CYP39A1: variants seen among roughly 807,000 people sequenced by gnomAD.
CYP39A1 encodes the protein 24-hydroxycholesterol 7-alpha-hydroxylase.
A neutral mutation model predicts 58.1 loss-of-function variants in CYP39A1; 49 were observed. The observed-to-expected ratio is 0.84, with a 90% CI of 0.67 to 1.07. CYP39A1 has a LOEUF of 1.07. CYP39A1 is among the 50% of genes least tolerant of loss of function. CYP39A1 has a pLI of 0.00. For missense variants in CYP39A1, 531 were observed against 539.4 expected (o/e 0.98, Z 0.16); for synonymous variants, 209 against 187.6 (o/e 1.11, Z -0.93).
intron 8 of CYP39A1, among the ~76,000 whole-genome samples, chr6:46,594,240 A>G (rs1444257221): frequency 6.6e-6 from 1 of 152,152 alleles, no homozygotes; most frequent in African/African-American, 2.4e-5. Context: ...ACTCTTATTA[A>G]TAACCTGTTC....
At chr6:46,623,162 A>T (rs920240033) in intron 7 of CYP39A1, among the ~76,000 whole-genome samples, 1 of 151,566 alleles carries the variant, frequency 6.6e-6, no homozygotes, top group Non-Finnish European at 1.5e-5. Context: ...TGTGATGATA[A>T]TTTGTACATG....
intron 11 of CYP39A1, 49 bp from the exon 12 acceptor site, chr6:46,550,486 C>T: frequency 6.6e-7 from 1 of 1,519,856 alleles, no homozygotes; most frequent in Non-Finnish European, 9.1e-7. Context: ...CATAAGTCCA[C>T]AGTTTCAGAC....
At chr6:46,583,685 T>C (rs1463587951) in intron 10 of CYP39A1, 32 of 694,916 alleles carry the variant, frequency 4.6e-5, no homozygotes, top group Non-Finnish European at 5.7e-5. Flanking sequence ...CGCAGTGGGA[T>C]CCTGCTCCAA....
intron 8 of CYP39A1, 113 bp downstream of exon 8, chr6:46,595,874 T>G: frequency 9.8e-7 from 1 of 1,021,736 alleles, no homozygotes; most frequent in Non-Finnish European, 1.5e-6. Context: ...TATAAAATAT[T>G]TATTTGTCAA....
At chr6:46,593,320 G>A (rs1193212956) in intron 8 of CYP39A1, among the ~76,000 whole-genome samples, 1 of 152,008 alleles carries the variant, frequency 6.6e-6, no homozygotes, top group East Asian at 1.9e-4. Context: ...ACTTTTGAAA[G>A]AATATGGGAG....
chr6:46,589,517 A>AT (rs1772693014), intron 8 of CYP39A1, among the ~76,000 whole-genome samples: 1 of 152,004 alleles, frequency 6.6e-6, no homozygotes, highest in African/African-American at 2.4e-5. Context: ...GGATGTCATC[A>AT]TTTTTTTAAC....
chr6:46,584,623 C>T (rs1772350725), intron 10 of CYP39A1, among the ~76,000 whole-genome samples: 1 of 152,132 alleles, frequency 6.6e-6, no homozygotes. Context: ...TGCATACAAA[C>T]TCATACATCA....
chr6:46,634,606 C>T (rs1340088338), intron 5 of CYP39A1, among the ~76,000 whole-genome samples: 1 of 150,674 alleles, frequency 6.6e-6, no homozygotes, highest in Non-Finnish European at 1.5e-5. Flanking sequence ...ACCATAACCT[C>T]CGCCTCCCAG....
chr6:46,648,285 G>A (rs984772626), intron 1 of CYP39A1, among the ~76,000 whole-genome samples: 3 of 151,890 alleles, frequency 2.0e-5, no homozygotes, highest in African/African-American at 7.3e-5. Context: ...ATGATAGACT[G>A]GATTAAGAAA....
At chr6:46,579,725 A>C (rs1772019024) in intron 10 of CYP39A1, among the ~76,000 whole-genome samples, 2 of 152,164 alleles carry the variant, frequency 1.3e-5, no homozygotes, top group African/African-American at 4.8e-5. Context: ...ACCCAAGCTG[A>C]GAGCCAAATC....
intron 7 of CYP39A1, among the ~76,000 whole-genome samples, chr6:46,607,508 T>C (rs1773921643): frequency 6.6e-6 from 1 of 151,300 alleles, no homozygotes; most frequent in African/African-American, 2.4e-5. Flanking sequence ...CATGCAGACA[T>C]AGTAAGTAAA....
intron 6 of CYP39A1, among the ~76,000 whole-genome samples, chr6:46,627,799 A>C (rs1226693494): frequency 6.6e-6 from 1 of 152,194 alleles, no homozygotes; most frequent in Non-Finnish European, 1.5e-5. Context: ...AAAGATAAAA[A>C]GGCATATAAA....
chr6:46,597,963 G>A (rs1408385353), intron 7 of CYP39A1, among the ~76,000 whole-genome samples: 1 of 152,116 alleles, frequency 6.6e-6, no homozygotes, highest in South Asian at 2.1e-4. Flanking sequence ...TGCAGGCATT[G>A]CCCAACAAAA....
intron 10 of CYP39A1, among the ~76,000 whole-genome samples, chr6:46,580,338 G>A (rs551289325): frequency 2.0e-5 from 3 of 152,138 alleles, no homozygotes; most frequent in East Asian, 1.9e-4. Flanking sequence ...TCCTTTCACT[G>A]TATACAAAAA....
chr6:46,615,938 A>G (rs1199163575), intron 7 of CYP39A1, among the ~76,000 whole-genome samples: 1 of 151,646 alleles, frequency 6.6e-6, no homozygotes, highest in Admixed American at 6.6e-5. Flanking sequence ...CACTGATTCT[A>G]TTTAATACTA....
intron 7 of CYP39A1, among the ~76,000 whole-genome samples, chr6:46,605,167 C>G (rs182643003): frequency 6.6e-6 from 1 of 152,164 alleles, no homozygotes; most frequent in African/African-American, 2.4e-5. Context: ...AAAAAGAAAG[C>G]AAGAAAACCA....
chr6:46,636,486 C>T lies in CYP39A1; in HGVS notation c.639-4G>A, dbSNP rs777716309. 4 of 1,581,162 alleles carry T rather than the reference C, an allele frequency of 2.5e-6. No individual in the cohort carries two copies. Among genetic ancestry groups the T allele is most frequent in the Non-Finnish European group, 3.4e-6 (4 of 1,160,168 alleles). Reference sequence around the variant, plus strand: ...CTTTTTGGATTTTGACCAGTTTCTACATGAGAAAAAATATATATAGAAATT... The same window carrying T: ...CTTTTTGGATTTTGACCAGTTTCTATATGAGAAAAAATATATATAGAAATT... On this transcript the variant is annotated splice_polypyrimidine_tract_variant and splice_region_variant and intron_variant, in intron 4 of 11. Transcript: ENST00000275016.
At chr6:46,640,195 A>G (rs373189406) in intron 2 of CYP39A1, among the ~76,000 whole-genome samples, 1 of 152,230 alleles carries the variant, frequency 6.6e-6, no homozygotes, top group Non-Finnish European at 1.5e-5. Context: ...TAAATGGGTG[A>G]TTAAGAGAGC....
chr6:46,641,054 A>G (rs767782756), intron 2 of CYP39A1, among the ~76,000 whole-genome samples: 8 of 151,848 alleles, frequency 5.3e-5, no homozygotes, highest in Non-Finnish European at 1.0e-4. Flanking sequence ...TACATCTACT[A>G]TATGGGAGGG....
Sources: gnomAD v4.1 joint callset for allele counts (sites outside exome capture counted in the v4.1 genomes callset) on GRCh38, gnomAD v4.1.1 for gene constraint, MANE v1.5 for transcripts, NCBI Gene and HGNC (gene_info 2026-07-23, HGNC 2026-07-21) for gene names.